Variants in CTNND2 observed in about 807,000 individuals in gnomAD.
CTNND2 encodes the protein catenin delta 2, also known as catenin delta-2.
In CTNND2, 22 loss-of-function variants were observed where a neutral mutation model predicts 144.4. The observed-to-expected ratio is 0.15, with a 90% CI of 0.11 to 0.22. The LOEUF (loss-of-function observed/expected upper bound fraction) is 0.22. Among genes scored for constraint, CTNND2 ranks in the 10% least tolerant of loss-of-function variants. CTNND2 has a pLI of 1.00. For synonymous variants in CTNND2, 751 were observed against 695.6 expected, an observed-to-expected ratio of 1.08 and a Z score of -1.25; for missense variants, 1,353 against 1,618.8, an observed-to-expected ratio of 0.84 and a Z score of 2.82.
chr5:11,346,604 A>G lies in CTNND2; in HGVS notation c.1396T>C (p.Ser466Pro). ...STAPSSPGVD[S>P]VPLQRTGSQH... ...CTGCCTGTGCGCTGCAAGGGGACGG[A>G]GTCGACACCAGGGGAAGATGGGGCT... Residue 466 changes from serine to proline, a missense_variant, in exon 9 of 22, where the codon TCC (serine) becomes CCC (proline). Transcript: ENST00000304623. 1 of 1,541,128 alleles carries G rather than the reference A, an allele frequency of 6.5e-7. No individual in the cohort carries two copies. Among genetic ancestry groups the G allele is most frequent in the Non-Finnish European group, 8.8e-7 (1 of 1,142,652 alleles).
chr5:11,340,484 A>G (rs904907653), intron 9 of CTNND2, among the ~76,000 whole-genome samples: 1 of 152,126 alleles, frequency 6.6e-6, no homozygotes, highest in Admixed American at 6.5e-5. Context: ...CCTGGATACA[A>G]CCTCGCTGAG....
At chr5:11,313,385 G>A (rs778415859) in intron 9 of CTNND2, among the ~76,000 whole-genome samples, 21 of 152,130 alleles carry the variant, frequency 1.4e-4, no homozygotes, top group Non-Finnish European at 2.5e-4. Flanking sequence ...CACTTTCTCT[G>A]ACTTCCAGTC....
chr5:11,630,439 T>C (rs1261562171), intron 2 of CTNND2, among the ~76,000 whole-genome samples: 5 of 152,290 alleles, frequency 3.3e-5, no homozygotes, highest in Admixed American at 2.0e-4. Context: ...ATTTCCCCAA[T>C]TCTTGACAGC....
In CTNND2 at chr5:11,128,759, AAT is replaced by A. The variant is rs1491254134; in HGVS notation, c.2160-11194_2160-11193del. ...TATATATTTATATATATTATATATA[AAT>A]ATATATATTATATATAAAATATATA... On this transcript the variant is annotated intron_variant, in intron 12 of 21. Coordinates refer to ENST00000304623, the MANE Select transcript of CTNND2 (RefSeq NM_001332.4). Among the ~76,000 whole-genome samples the A allele has an allele frequency of 5.9e-4, 13 of 21,922 alleles. 1 individual carries two copies. In the East Asian group the frequency reaches 0.018, roughly 30 times the overall value. 14.4% of individuals were successfully genotyped at this position (21,922 alleles called of 152,430 possible).
chr5:11,709,127 A>G (rs1160885973), intron 2 of CTNND2, among the ~76,000 whole-genome samples: 3 of 152,318 alleles, frequency 2.0e-5, no homozygotes, highest in South Asian at 2.1e-4. Flanking sequence ...AAAACACAGT[A>G]GGTTTCTGCG....
chr5:11,479,601 T>C (rs1428991170), intron 3 of CTNND2, among the ~76,000 whole-genome samples: 1 of 152,208 alleles, frequency 6.6e-6, no homozygotes, highest in African/African-American at 2.4e-5. Context: ...GCTGAACTAG[T>C]TTACACTTCC....
At chr5:11,305,548 ACACT>A (rs1750104622) in intron 9 of CTNND2, among the ~76,000 whole-genome samples, 1 of 152,158 alleles carries the variant, frequency 6.6e-6, no homozygotes, top group Non-Finnish European at 1.5e-5. Context: ...CATCTTGTTC[ACACT>A]CACAGCACCC....
In CTNND2 at chr5:11,019,287, A is replaced by G. The variant is rs187478392; in HGVS notation, c.3000-1229T>C. Among the ~76,000 whole-genome samples, 133 of 152,356 alleles carry G rather than the reference A, an allele frequency of 8.7e-4. 1 individual carries two copies. Among genetic ancestry groups the G allele is most frequent in the African/African-American group, 2.6e-3 (109 of 41,582 alleles). On this transcript the variant is annotated intron_variant, in intron 17 of 21. Transcript: ENST00000304623. ...AGATGAAGCTGCATTTCATTCTCAT[A>G]TAATCGATGCTGAACAAAGATTAAA... is the stretch of plus-strand genomic sequence containing the variant.
chr5:11,530,722 T>C (rs1195279381), intron 3 of CTNND2, among the ~76,000 whole-genome samples: 1 of 152,188 alleles, frequency 6.6e-6, no homozygotes, highest in Non-Finnish European at 1.5e-5. Context: ...ATCACATATA[T>C]ATCTTAATGC....
intron 3 of CTNND2, among the ~76,000 whole-genome samples, chr5:11,536,345 T>C (rs563620438): frequency 3.7e-4 from 57 of 152,276 alleles, no homozygotes; most frequent in African/African-American, 1.3e-3. Flanking sequence ...ATTACAGGTG[T>C]GAGCCACTGC....
At chr5:11,207,964 T>C (rs752111203) in intron 10 of CTNND2, among the ~76,000 whole-genome samples, 27 of 152,170 alleles carry the variant, frequency 1.8e-4, no homozygotes, top group Non-Finnish European at 2.9e-4. Context: ...AAAAACCTTT[T>C]GGAATTAATT....
intron 16 of CTNND2, among the ~76,000 whole-genome samples, chr5:11,077,413 A>G (rs1749062074): frequency 6.6e-6 from 1 of 152,174 alleles, no homozygotes; most frequent in African/African-American, 2.4e-5. Flanking sequence ...ACTGAGCTGC[A>G]TGAATGCCAA....
At chr5:11,804,450 C>T (rs1791883772) in intron 1 of CTNND2, among the ~76,000 whole-genome samples, 1 of 152,048 alleles carries the variant, frequency 6.6e-6, no homozygotes. Flanking sequence ...TGGAAGCAAA[C>T]AAGATTGCCT....
chr5:11,319,421 G>A (rs1212877889), intron 9 of CTNND2, among the ~76,000 whole-genome samples: 1 of 152,116 alleles, frequency 6.6e-6, no homozygotes, highest in African/African-American at 2.4e-5. Flanking sequence ...TCTATTCAAC[G>A]GATATCCTAT....
At chr5:11,203,627 G>C (rs777050248) in intron 10 of CTNND2, among the ~76,000 whole-genome samples, 3 of 152,038 alleles carry the variant, frequency 2.0e-5, no homozygotes, top group Admixed American at 6.6e-5. Flanking sequence ...TATCCGCCTC[G>C]GTCTCCCAAA....
At chr5:11,203,600 C>G (rs975837941) in intron 10 of CTNND2, among the ~76,000 whole-genome samples, 2 of 152,160 alleles carry the variant, frequency 1.3e-5, no homozygotes, top group Admixed American at 1.3e-4. Flanking sequence ...GTCTTCAACT[C>G]CTAGGCTCAA....
intron 1 of CTNND2, among the ~76,000 whole-genome samples, chr5:11,841,437 T>C (rs1250802717): frequency 6.6e-6 from 1 of 152,208 alleles, no homozygotes. Flanking sequence ...CATAAGTTGA[T>C]TAAGTCTGTA....
intron 6 of CTNND2, among the ~76,000 whole-genome samples, chr5:11,390,982 C>T (rs1229650930): frequency 1.3e-5 from 2 of 152,110 alleles, no homozygotes; most frequent in Non-Finnish European, 2.9e-5. Context: ...AGGCACAGGC[C>T]ACAGGGCCAG....
intron 9 of CTNND2, among the ~76,000 whole-genome samples, chr5:11,302,852 T>C (rs948433992): frequency 2.0e-5 from 3 of 152,158 alleles, no homozygotes; most frequent in South Asian, 2.1e-4. Flanking sequence ...GGTTTCACAA[T>C]GTAGAGGGAA....
Sources: allele counts gnomAD v4.1 joint callset (sites outside exome capture counted in the v4.1 genomes callset), GRCh38; gene constraint gnomAD v4.1.1; transcripts MANE v1.5; gene names NCBI Gene and HGNC (gene_info 2026-07-23, HGNC 2026-07-21).